MYH8: variants seen among roughly 807,000 people sequenced by gnomAD.
The protein encoded by MYH8 is myosin-8.
MYH8 carries 168 observed loss-of-function variants against 233.2 expected under a neutral mutation model. The observed-to-expected ratio is 0.72, with a 90% CI of 0.64 to 0.82. The LOEUF is 0.82. Among genes scored for constraint, MYH8 ranks in the 40% least tolerant of loss-of-function variants. MYH8 has a pLI of 0.00. For synonymous variants in MYH8, 785 were observed against 850.6 expected (o/e 0.92, Z 1.34); for missense variants, 1,995 against 2,327.8 (o/e 0.86, Z 2.94).
At chr17:10,397,882 A>T (rs1004539966) in intron 30 of MYH8, among the ~76,000 whole-genome samples, 1 of 152,234 alleles carries the variant, frequency 6.6e-6, no homozygotes, top group Admixed American at 6.5e-5. Context: ...GTTTAAACAA[A>T]GGCAGGTTTT....
Position 10,410,773 on chromosome 17 carries a change from C to T in MYH8, c.1587+4G>A, listed in dbSNP as rs368100654. 71 of 1,613,760 alleles carry T rather than the reference C, an allele frequency of 4.4e-5. No homozygotes were observed. Among genetic ancestry groups the T allele is most frequent in the Middle Eastern group, 3.3e-4 (2 of 6,080 alleles). ...GTCTGCCCTTCTTTGGAAACCAAAC[C>T]GACCTTCTCAATGAGCTCAATGCAG... On this transcript the variant is annotated splice_donor_region_variant and intron_variant, in intron 15 of 39. Transcript: ENST00000403437.
intron 35 of MYH8, 41 bp from the exon 36 acceptor site, chr17:10,393,251 T>C (rs2072047183): frequency 1.2e-6 from 2 of 1,613,868 alleles, no homozygotes; most frequent in Admixed American, 1.7e-5. Flanking sequence ...ATTTGCAGTT[T>C]GCCCTCTTGG....
chr17:10,410,964 A>G lies in MYH8; in HGVS notation c.1417-17T>C, dbSNP rs778404127. On this transcript the variant is annotated splice_polypyrimidine_tract_variant and intron_variant, in intron 14 of 39. Coordinates refer to ENST00000403437, the MANE Select transcript of MYH8 (RefSeq NM_002472.3). ...GCTGTTAAACTACACAAAATAATAG[A>G]GATTTCCAACATCAAATGAGTTTTA... 6.2e-7 allele frequency: 1 copy of G among 1,614,096 alleles called. No individual in the cohort carries two copies. Among genetic ancestry groups the G allele is most frequent in the Non-Finnish European group, 8.5e-7 (1 of 1,179,960 alleles).
Position 10,413,999 on chromosome 17 carries a change from C to A in MYH8, c.1050G>T (p.Val350=), listed in dbSNP as rs767636000. Residue 350 remains valine, a synonymous_variant, in exon 12 of 40, where the codon GTG becomes GTT. Transcript: ENST00000403437. ...DILGFTPEEK[V]SIYKLTGAVM... ...CAGCCCCTGTGAGTTTATAGATGGA[C>A]ACTTTCTCTTCAGGAGTGAAGCCCA... The A allele has an allele frequency of 6.2e-7, 1 of 1,613,988 alleles. No homozygotes were observed. Among genetic ancestry groups the A allele is most frequent in the African/African-American group, 1.3e-5 (1 of 74,894 alleles).
intron 22 of MYH8, among the ~76,000 whole-genome samples, chr17:10,402,283 A>G (rs2072150150): frequency 6.6e-6 from 1 of 152,206 alleles, no homozygotes; most frequent in South Asian, 2.1e-4. Flanking sequence ...CAAACCAATA[A>G]TTGCTAGGCT....
rs1335918485 is a variant in MYH8 at position 10,394,366 on chromosome 17, C to T, written c.5049G>A (p.Leu1683=). 6.2e-7 allele frequency: 1 copy of T among 1,614,134 alleles called. No individual in the cohort carries two copies. The highest frequency in any genetic ancestry group is 1.7e-5 in the Admixed American group (1 of 60,024). The change falls in exon 35 of 40, where the codon CTG becomes CTA. Residue 1683 remains leucine (L), a synonymous_variant. Coordinates refer to ENST00000403437, the MANE Select transcript of MYH8 (RefSeq NM_002472.3). The part of the protein sequence containing the change: ...QLAIVERRAN[L]LQAEIEELWA... ...ACAGCTCCTCGATCTCAGCCTGCAG[C>T]AGGTTGGCTCTGCGCTCCACAATTG...
chr17:10,414,059 G>A lies in MYH8; in HGVS notation c.1009-19C>T. On this transcript the variant is annotated intron_variant, in intron 11 of 39. Transcript: ENST00000403437. Reference sequence around the variant, plus strand: ...TGGCACTCTACCAGGAAAAATGAGAGGACAAAAGTTAGGGCTGAAGAGACT... The same window carrying A: ...TGGCACTCTACCAGGAAAAATGAGAAGACAAAAGTTAGGGCTGAAGAGACT... 4 of 1,614,068 alleles carry A rather than the reference G, an allele frequency of 2.5e-6. No individual in the cohort carries two copies. The South Asian group carries it at 3.3e-5, about 13-fold the overall frequency.
intron 17 of MYH8, among the ~76,000 whole-genome samples, chr17:10,408,737 C>T (rs1357697356): frequency 6.6e-6 from 1 of 152,104 alleles, no homozygotes; most frequent in African/African-American, 2.4e-5. Flanking sequence ...GGCTCATTCT[C>T]AAAGAGGAAC....
At chr17:10,409,021 A>G in intron 17 of MYH8, 76 bp downstream of exon 17, 2 of 1,401,696 alleles carry the variant, frequency 1.4e-6, no homozygotes, top group Non-Finnish European at 2.0e-6. Context: ...TTATTGCCTC[A>G]TAATTTTTTC....
At position 10,400,480 on chromosome 17, in the gene MYH8, C is replaced by T; in HGVS notation, c.3645G>A (p.Arg1215=). 1 of 1,614,136 alleles carries T rather than the reference C, an allele frequency of 6.2e-7. No homozygotes were observed. Residue 1215 remains arginine (R), a synonymous_variant, in exon 27 of 40, where the codon CGG becomes CGA. Transcript: ENST00000403437. The surrounding 1 kb of genome is among the most constrained non-coding windows in gnomAD (Gnocchi z 4.0). ...ELGEQIDNLQ[R]VKQKLEKEKS... is the part of the protein sequence containing the mutation. ...TCTCCTTCTCCAGCTTCTGTTTGAC[C>T]CGCTGCAAGTTGTCAATCTGCTCCC...
At position 10,419,757 on chromosome 17, in the gene MYH8, T is replaced by C. The variant is rs970097252; in HGVS notation, c.210+261A>G. 1.3e-5 allele frequency among the ~76,000 whole-genome samples: 2 copies of C among 152,168 alleles called. No homozygotes were observed. Among genetic ancestry groups the C allele is most frequent in the African/African-American group, 4.8e-5 (2 of 41,436 alleles). ...GAGCTTGTTTTCATTTCCCTCAAGT[T>C]TGGACATTCAGACTAGGAAGTGGGG... On this transcript the variant is annotated intron_variant, in intron 3 of 39. Transcript: ENST00000403437. This position sits in a 1 kb window ranked among gnomAD's most constrained non-coding sequence, Gnocchi z 4.0.
chr17:10,401,501 G>A, intron 23 of MYH8, 42 bp downstream of exon 23: 1 of 1,614,092 alleles, frequency 6.2e-7, no homozygotes, highest in Non-Finnish European at 8.5e-7. Flanking sequence ...AATTTAGTTG[G>A]TGGCAGAACC....
chr17:10,420,964 C>T (rs1567691716), intron 2 of MYH8, among the ~76,000 whole-genome samples: 1 of 152,186 alleles, frequency 6.6e-6, no homozygotes, highest in Non-Finnish European at 1.5e-5. Flanking sequence ...AAAGGCCCTT[C>T]TTCCCACATA....
intron 37 of MYH8, 26 bp from the exon 38 acceptor site, chr17:10,392,672 A>G: frequency 3.1e-6 from 5 of 1,613,308 alleles, no homozygotes; most frequent in Non-Finnish European, 4.2e-6. Context: ...ATACTTACGC[A>G]GTCAGTCTTG....
Position 10,412,495 on chromosome 17 carries a change from C to T in MYH8, c.1291G>A (p.Ala431Thr). The change falls in exon 14 of 40, where the codon GCC becomes ACC. Residue 431 changes from alanine (A) to threonine (T), a missense_variant. Ala to Thr is a moderately conservative substitution (Grantham distance 58). Around this residue, in one of 3 missense-constraint regions of MYH8, gnomAD observed 479 missense variants for 600.9 expected, o/e 0.80. Coordinates refer to ENST00000403437, the MANE Select transcript of MYH8 (RefSeq NM_002472.3). The stretch of plus-strand genomic sequence containing the variant: ...AACATCTTCTCGTAGACGGCTTTGG[C>T]CAGAGCACCCACCGCATTGTACACC... ...QQVYNAVGAL[A>T]KAVYEKMFLW... The T allele has an allele frequency of 6.2e-7, 1 of 1,614,150 alleles. No homozygotes were observed. The highest frequency in any genetic ancestry group is 8.5e-7 in the Non-Finnish European group (1 of 1,180,022).
rs917379039 is a variant in MYH8, at chr17:10,400,939, T to C, written c.3275A>G (p.Asn1092Ser). 2.5e-6 allele frequency: 4 copies of C among 1,613,736 alleles called. No homozygotes were observed. In the African/African-American group the frequency reaches 5.3e-5, roughly 22 times the overall value. ...KLEKKEFEIS[N>S]LISKIEDEQA... The stretch of plus-strand genomic sequence containing the variant: ...CTCATCTTCAATTTTGCTTATCAAA[T>C]TGCTGATTTCAAATTCTTTCCTTTA... Residue 1092 changes from asparagine to serine, a missense_variant, in exon 26 of 40, where the codon AAT becomes AGT. By Grantham distance (46) the Asn-to-Ser change is conservative. Coordinates refer to ENST00000403437, the MANE Select transcript of MYH8 (RefSeq NM_002472.3). This position sits in a 1 kb window ranked among gnomAD's most constrained non-coding sequence, Gnocchi z 4.0.
rs1437692662 is a variant in MYH8, at chr17:10,396,965, C to T, written c.4200G>A (p.Leu1400=). The T allele has an allele frequency of 3.1e-6, 5 of 1,614,236 alleles. No homozygotes were observed. Among genetic ancestry groups the T allele is most frequent in the South Asian group, 1.1e-5 (1 of 91,076 alleles). The change falls in exon 31 of 40, where the codon CTG becomes CTA. Residue 1400 remains leucine (L), a synonymous_variant. Transcript: ENST00000403437. The surrounding 1 kb of genome is among the most constrained non-coding windows in gnomAD (Gnocchi z 4.2). ...EEAKKKLAQR[L]QEAEEHVEAV... is the part of the protein sequence containing the mutation. ...CTTCTACATGTTCCTCAGCTTCTTG[C>T]AGGCGCTGGGCCAACTTTTTCCTGA... is the stretch of plus-strand genomic sequence containing the variant.
At position 10,390,500 on chromosome 17, in the gene MYH8, A is replaced by G. The variant is rs1395882757; in HGVS notation, c.5768T>C (p.Leu1923Ser). 1.2e-6 allele frequency: 2 copies of G among 1,614,004 alleles called. No individual in the cohort carries two copies. The highest frequency in any genetic ancestry group is 2.7e-5 in the African/African-American group (2 of 74,920). ...GTGAACCTCTCGGCTCTTCACTCGC[A>G]ATTTGTTGACCTGGGACTCAGCAAT... Reference protein sequence around the residue: ...ADIAESQVNKLRVKSREVHTK... With the variant: ...ADIAESQVNKSRVKSREVHTK... Residue 1923 changes from leucine to serine, a missense_variant, in exon 40 of 40, where the codon TTG (leucine) becomes TCG (serine). By Grantham distance (145) the Leu-to-Ser change is moderately radical (BLOSUM62 -2). This residue lies in a region of MYH8 where 1,498 missense variants were observed against 1,680.9 expected (regional missense o/e 0.89). Coordinates refer to ENST00000403437, the MANE Select transcript of MYH8 (RefSeq NM_002472.3).
Position 10,410,953 on chromosome 17 carries a change from C to T in MYH8, c.1417-6G>A. 2 of 1,613,874 alleles carry T rather than the reference C, an allele frequency of 1.2e-6. No homozygotes were observed. Among genetic ancestry groups the T allele is most frequent in the Non-Finnish European group, 1.7e-6 (2 of 1,179,934 alleles). ...AGCTGCTCCAGGCTGTTAAACTACA[C>T]AAAATAATAGAGATTTCCAACATCA... is the stretch of plus-strand genomic sequence containing the variant. On this transcript the variant is annotated splice_polypyrimidine_tract_variant and splice_region_variant and intron_variant, in intron 14 of 39. Transcript: ENST00000403437.
Sources: gnomAD v4.1 joint callset for allele counts (sites outside exome capture counted in the v4.1 genomes callset) on GRCh38, gnomAD v4.1.1 for gene constraint, gnomAD v4.1.1 regional missense constraint, Gnocchi (gnomAD v3.1) non-coding constraint, MANE v1.5 for transcripts, NCBI Gene and HGNC (gene_info 2026-07-23, HGNC 2026-07-21) for gene names.